OSMR: variants seen among roughly 807,000 people sequenced by gnomAD.
The protein encoded by OSMR is oncostatin-M-specific receptor subunit beta.
A neutral mutation model predicts 99.9 loss-of-function variants in OSMR; 81 were observed. That is an observed-to-expected ratio of 0.81 (90% confidence interval 0.68 to 0.97). OSMR has a LOEUF of 0.97. Ranked by LOEUF, OSMR falls within the 50% of genes least tolerant of loss-of-function variation. The pLI is 0.00. For missense variants in OSMR, 1,099 were observed against 1,153.4 expected, an observed-to-expected ratio of 0.95 and a Z score of 0.68; for synonymous variants, 406 against 410.4, an observed-to-expected ratio of 0.99 and a Z score of 0.13.
intron 1 of OSMR, among the ~76,000 whole-genome samples, chr5:38,864,746 T>C (rs1023853377): frequency 6.6e-6 from 1 of 152,198 alleles, no homozygotes; most frequent in African/African-American, 2.4e-5. Flanking sequence ...TTTTGGGATC[T>C]CTGAGCTTTC....
intron 7 of OSMR, among the ~76,000 whole-genome samples, chr5:38,896,409 T>C (rs924370574): frequency 2.0e-5 from 3 of 152,120 alleles, no homozygotes; most frequent in Non-Finnish European, 4.4e-5. Flanking sequence ...CTTGTTGCTA[T>C]TGTAAATGGG....
rs1044798105 is a variant in OSMR at position 38,879,660 on chromosome 5, G to C, written c.247-1933G>C. Among the ~76,000 whole-genome samples the C allele has an allele frequency of 3.7e-5, 5 of 134,206 alleles. No homozygotes were observed. The Admixed American group carries it at 4.2e-4, about 11-fold the overall frequency. The allele number at this position is 134,206 out of a possible 152,430, so 88.0% of individuals were successfully genotyped here. A position where few individuals can be genotyped will look rare whatever the true frequency, so the allele number is the denominator to read the frequency against. On this transcript the variant is annotated intron_variant, in intron 3 of 17. Transcript: ENST00000274276. Reference sequence around the variant, plus strand: ...TTTTTTTGAGATGGAGTCTCACTCTGTTGCCCAGGGTGGAGTGCAGTGGCG... The same window carrying C: ...TTTTTTTGAGATGGAGTCTCACTCTCTTGCCCAGGGTGGAGTGCAGTGGCG...
intron 16 of OSMR, 70 bp downstream of exon 16, chr5:38,932,034 T>A: frequency 8.8e-7 from 1 of 1,139,790 alleles, no homozygotes; most frequent in South Asian, 1.2e-5. Flanking sequence ...TTTAGTAAGA[T>A]AGAAATGACA....
At chr5:38,929,414 T>A (rs553683946) in intron 15 of OSMR, among the ~76,000 whole-genome samples, 1 of 152,350 alleles carries the variant, frequency 6.6e-6, no homozygotes, top group African/African-American at 2.4e-5. Context: ...TTTTTATATT[T>A]GGACATTTGG....
At chr5:38,916,296 A>C (rs1334546056) in intron 9 of OSMR, among the ~76,000 whole-genome samples, 2 of 152,194 alleles carry the variant, frequency 1.3e-5, no homozygotes, top group Admixed American at 1.3e-4. Context: ...TGAACTTGTC[A>C]TGCAAGCTGA....
rs1044031851 is a variant in OSMR, at chr5:38,933,756, C to T, written c.*312C>T. 7.4e-6 allele frequency: 3 copies of T among 403,988 alleles called. No homozygotes were observed. Among genetic ancestry groups the T allele is most frequent in the African/African-American group, 6.1e-5 (3 of 49,576 alleles). The allele number at this position is 403,988 out of a possible 1,614,324, so 25.0% of individuals were successfully genotyped here. A position where few individuals can be genotyped will look rare whatever the true frequency, so the allele number is the denominator to read the frequency against. On this transcript the variant is annotated 3_prime_UTR_variant, in exon 18 of 18. Transcript: ENST00000274276. Reference sequence around the variant, plus strand: ...ATATGCATTAACCACTCTACAGACTCCCACTCAGTACTGTACAGGGTGGCT... The same window carrying T: ...ATATGCATTAACCACTCTACAGACTTCCACTCAGTACTGTACAGGGTGGCT...
intron 6 of OSMR, 28 bp from the exon 7 acceptor site, chr5:38,886,011 G>T: frequency 6.2e-7 from 1 of 1,611,354 alleles, no homozygotes; most frequent in Non-Finnish European, 8.5e-7. Flanking sequence ...CCTCGTAATG[G>T]TTGTGTTATT....
chr5:38,848,109 A>G (rs1321551848), intron 1 of OSMR, among the ~76,000 whole-genome samples: 1 of 152,140 alleles, frequency 6.6e-6, no homozygotes, highest in Non-Finnish European at 1.5e-5. Context: ...GAAGGTGTGT[A>G]TTTTCCTTGT....
At chr5:38,871,137 G>A (rs1256929471) in intron 2 of OSMR, among the ~76,000 whole-genome samples, 1 of 152,144 alleles carries the variant, frequency 6.6e-6, no homozygotes, top group South Asian at 2.1e-4. Flanking sequence ...TGGGGTACTC[G>A]GTTACACAGG....
intron 15 of OSMR, among the ~76,000 whole-genome samples, chr5:38,930,246 T>TAAG (rs1746660342): frequency 6.6e-6 from 1 of 152,222 alleles, no homozygotes; most frequent in Admixed American, 6.5e-5. Flanking sequence ...TTTTCCATAG[T>TAAG]AAGATTCATA....
downstream of OSMR, chr5:38,938,016 T>C (rs2112736709): frequency 5.0e-6 from 1 of 199,984 alleles, no homozygotes; most frequent in South Asian, 1.9e-4. Context: ...CTATACACAT[T>C]ATACAAAAAC....
intron 9 of OSMR, among the ~76,000 whole-genome samples, chr5:38,911,154 G>A (rs1425057476): frequency 6.6e-6 from 1 of 152,148 alleles, no homozygotes; most frequent in African/African-American, 2.4e-5. Context: ...GAATCCAGGA[G>A]TTATTAAGAA....
chr5:38,860,434 A>G (rs571904409), intron 1 of OSMR, among the ~76,000 whole-genome samples: 1 of 152,070 alleles, frequency 6.6e-6, no homozygotes, highest in African/African-American at 2.4e-5. Flanking sequence ...ATCATGGTGT[A>G]TTATCTTTTT....
chr5:38,904,769 C>G (rs1745120869), intron 9 of OSMR, among the ~76,000 whole-genome samples: 1 of 152,150 alleles, frequency 6.6e-6, no homozygotes, highest in Non-Finnish European at 1.5e-5. Flanking sequence ...CATCACTTTG[C>G]TGGATTCACA....
At chr5:38,894,311 C>T (rs1461353864) in intron 7 of OSMR, among the ~76,000 whole-genome samples, 1 of 151,944 alleles carries the variant, frequency 6.6e-6, no homozygotes, top group Admixed American at 6.5e-5. Context: ...AGGATCAAAA[C>T]CTCCTATATC....
At chr5:38,942,462 T>TC in intron 1 of OSMR, 4 of 706,880 alleles carry the variant, frequency 5.7e-6, no homozygotes, top group Non-Finnish European at 8.7e-6. Context: ...ATTTTTTTTT[T>TC]TTTTTGAGAT....
Position 38,885,467 on chromosome 5 carries a change from C to G in OSMR, c.822C>G (p.Ser274Arg). 1 of 1,614,074 alleles carries G rather than the reference C, an allele frequency of 6.2e-7. No homozygotes were observed. The highest frequency in any genetic ancestry group is 8.5e-7 in the Non-Finnish European group (1 of 1,179,938). Residue 274 changes from serine (S) to arginine (R), a missense_variant, in exon 6 of 18, where the codon AGC becomes AGG. Ser to Arg is a moderately radical substitution (Grantham distance 110, BLOSUM62 -1). Transcript: ENST00000274276. ...GGTGGTCTAAACAACCTTCCCAAAGCTACACTTTATTTGAATCGTAAGTTG... is the reference window on the plus strand; with the variant it reads ...GGTGGTCTAAACAACCTTCCCAAAGGTACACTTTATTTGAATCGTAAGTTG... The part of the protein sequence containing the change: ...ALGWSKQPSQ[S>R]YTLFESFSGE...
chr5:38,917,853 CT>C (rs1249465803), intron 10 of OSMR, among the ~76,000 whole-genome samples: 1 of 152,136 alleles, frequency 6.6e-6, no homozygotes, highest in Non-Finnish European at 1.5e-5. Context: ...GCAACTTCAA[CT>C]CAGGCCAGGC....
At chr5:38,899,316 C>G (rs1744739967) in intron 7 of OSMR, among the ~76,000 whole-genome samples, 1 of 152,068 alleles carries the variant, frequency 6.6e-6, no homozygotes, top group Non-Finnish European at 1.5e-5. Context: ...CTGGGACTCA[C>G]CTTTTAGGGC....
Sources: gnomAD v4.1 joint callset for allele counts (sites outside exome capture counted in the v4.1 genomes callset) on GRCh38, gnomAD v4.1.1 for gene constraint, MANE v1.5 for transcripts, NCBI Gene and HGNC (gene_info 2026-07-23, HGNC 2026-07-21) for gene names.